Variants in WWOX observed in about 807,000 individuals in gnomAD.
The protein encoded by WWOX is WW domain-containing oxidoreductase.
A neutral mutation model predicts 46.2 loss-of-function variants in WWOX; 69 were observed. The observed-to-expected ratio is 1.49, with a 90% CI of 1.23 to 1.82. The LOEUF (loss-of-function observed/expected upper bound fraction) is 1.82. Ranked by LOEUF, WWOX falls within the 40% of genes most tolerant of loss-of-function variation. WWOX has a pLI of 0.00. For synonymous variants in WWOX, 359 were observed against 202.6 expected, an observed-to-expected ratio of 1.77 and a Z score of -6.56; for missense variants, 919 against 542.6, an observed-to-expected ratio of 1.69 and a Z score of -6.89.
intron 5 of WWOX, among the ~76,000 whole-genome samples, chr16:78,357,715 C>G (rs1228239326): frequency 6.6e-6 from 1 of 152,142 alleles, no homozygotes; most frequent in Non-Finnish European, 1.5e-5. Context: ...CTTCCACATG[C>G]CAGGCACAGT....
At chr16:78,360,357 G>A (rs997131539) in intron 5 of WWOX, among the ~76,000 whole-genome samples, 6 of 152,014 alleles carry the variant, frequency 3.9e-5, no homozygotes, top group African/African-American at 9.7e-5. Context: ...AGGCCGAAGC[G>A]GGCTGATCCC....
intron 8 of WWOX, among the ~76,000 whole-genome samples, chr16:78,991,224 C>T (rs147182725): frequency 3.9e-5 from 6 of 152,184 alleles, no homozygotes; most frequent in East Asian, 1.9e-4. Flanking sequence ...TCACCCTGAA[C>T]TATTTCTTGG....
intron 8 of WWOX, among the ~76,000 whole-genome samples, chr16:78,961,872 C>A (rs186086363): frequency 6.6e-6 from 1 of 152,282 alleles, no homozygotes; most frequent in Non-Finnish European, 1.5e-5. Context: ...AGAAATCATT[C>A]TGTGGTTCCA....
chr16:79,134,952 T>A lies in WWOX; in HGVS notation c.1057-76656T>A, dbSNP rs139813555. ...ATGAGTTCCAAACAGGGTATGTGTT[T>A]GCAGACAGGAGCTACATACATTTGA... is the stretch of plus-strand genomic sequence containing the variant. On this transcript the variant is annotated intron_variant, in intron 8 of 8. Transcript: ENST00000566780. Among the ~76,000 whole-genome samples the A allele has an allele frequency of 4.0e-3, 616 of 152,316 alleles. 1 individual carries two copies. Among genetic ancestry groups the A allele is most frequent in the Non-Finnish European group, 7.0e-3 (476 of 68,016 alleles).
At chr16:78,865,669 C>G (rs1487832154) in intron 8 of WWOX, among the ~76,000 whole-genome samples, 1 of 152,114 alleles carries the variant, frequency 6.6e-6, no homozygotes, top group African/African-American at 2.4e-5. Context: ...CACCTGAGGT[C>G]AGGAGTTCGA....
At chr16:78,996,415 C>G in intron 8 of WWOX, 1 of 886,292 alleles carries the variant, frequency 1.1e-6, no homozygotes, top group Non-Finnish European at 1.3e-6. Flanking sequence ...AAATGATTTG[C>G]TCAAAGTTTG....
chr16:78,237,273 G>C (rs951654605), intron 5 of WWOX: 1 of 152,152 alleles, frequency 6.6e-6, no homozygotes, highest in African/African-American at 2.4e-5. Flanking sequence ...GCTATACCAT[G>C]ATTCCAATTT....
intron 8 of WWOX, among the ~76,000 whole-genome samples, chr16:78,441,861 A>G (rs2083451765): frequency 6.6e-6 from 1 of 152,062 alleles, no homozygotes; most frequent in African/African-American, 2.4e-5. Flanking sequence ...CATTCAGAAT[A>G]TACTAGATAC....
At chr16:78,276,294 T>C (rs548678986) in intron 5 of WWOX, among the ~76,000 whole-genome samples, 3 of 152,152 alleles carry the variant, frequency 2.0e-5, no homozygotes, top group Non-Finnish European at 4.4e-5. Flanking sequence ...AATGGGGTCA[T>C]AGAGGGTGAG....
At chr16:78,326,853 A>G (rs979493904) in intron 5 of WWOX, among the ~76,000 whole-genome samples, 3 of 152,090 alleles carry the variant, frequency 2.0e-5, no homozygotes, top group Non-Finnish European at 4.4e-5. Flanking sequence ...AAAGCTCAGT[A>G]TCTGGGGCTT....
At chr16:78,329,205 T>C (rs2080703296) in intron 5 of WWOX, among the ~76,000 whole-genome samples, 1 of 152,118 alleles carries the variant, frequency 6.6e-6, no homozygotes, top group African/African-American at 2.4e-5. Context: ...TAAAGTGAAA[T>C]TGCAACCCCA....
chr16:79,098,044 A>G (rs1271950745), intron 8 of WWOX, among the ~76,000 whole-genome samples: 3 of 152,168 alleles, frequency 2.0e-5, no homozygotes, highest in Non-Finnish European at 2.9e-5. Flanking sequence ...TCCAATATCT[A>G]GAGAGGCGCC....
chr16:79,091,540 C>T (rs2048960219), intron 8 of WWOX, among the ~76,000 whole-genome samples: 1 of 152,078 alleles, frequency 6.6e-6, no homozygotes, highest in African/African-American at 2.4e-5. Flanking sequence ...CCTGTGCAGT[C>T]ATCTTGGAGA....
chr16:79,098,460 C>T (rs1256261127), intron 8 of WWOX, among the ~76,000 whole-genome samples: 1 of 152,210 alleles, frequency 6.6e-6, no homozygotes, highest in Admixed American at 6.5e-5. Context: ...ATATTAAGAA[C>T]TGTCTGGAAA....
intron 4 of WWOX, among the ~76,000 whole-genome samples, chr16:78,131,039 C>G (rs906721710): frequency 3.3e-5 from 5 of 152,180 alleles, no homozygotes; most frequent in African/African-American, 1.2e-4. Flanking sequence ...TATAGGCAGT[C>G]ATAACACAAT....
chr16:78,264,214 A>C (rs1486988384), intron 5 of WWOX, among the ~76,000 whole-genome samples: 1 of 151,872 alleles, frequency 6.6e-6, no homozygotes, highest in Non-Finnish European at 1.5e-5. Flanking sequence ...GTTATAGCCC[A>C]CAAGATAACA....
rs143500545 is a variant in WWOX at position 78,591,120 on chromosome 16, T to C, written c.1056+158368T>C. ...GTGGTTCTGCTTCTCTGAGATTGTC[T>C]GTCAGCTTTTCCCTCAGTTTCACCC... On this transcript the variant is annotated intron_variant, in intron 8 of 8. Transcript: ENST00000566780. 4.3e-3 allele frequency among the ~76,000 whole-genome samples: 653 copies of C among 152,316 alleles called. 2 individuals are homozygous for C. Among genetic ancestry groups the C allele is most frequent in the Non-Finnish European group, 7.2e-3 (489 of 68,018 alleles).
intron 8 of WWOX, among the ~76,000 whole-genome samples, chr16:78,565,471 C>T (rs1454983037): frequency 6.6e-6 from 1 of 152,194 alleles, no homozygotes; most frequent in Non-Finnish European, 1.5e-5. Flanking sequence ...ATCTCCTTTA[C>T]TGATTCCTCT....
At chr16:78,823,100 C>G (rs532024497) in intron 8 of WWOX, among the ~76,000 whole-genome samples, 5 of 152,322 alleles carry the variant, frequency 3.3e-5, no homozygotes, top group Admixed American at 2.6e-4. Context: ...TCTTCGTTAT[C>G]TCAAATTAAA....
Sources: gnomAD v4.1 joint callset for allele counts (sites outside exome capture counted in the v4.1 genomes callset) on GRCh38, gnomAD v4.1.1 for gene constraint, MANE v1.5 for transcripts, NCBI Gene and HGNC (gene_info 2026-07-23, HGNC 2026-07-21) for gene names.